Variants in RIN2 observed in about 807,000 individuals in gnomAD.
RIN2 encodes the protein Ras and Rab interactor 2, also known as RAB5 interacting protein 2.
RIN2 carries 36 observed loss-of-function variants against 78.0 expected under a neutral mutation model. The observed-to-expected ratio is 0.46, with a 90% confidence interval of 0.35 to 0.61. RIN2 has a LOEUF of 0.61. RIN2 is among the 20% of genes least tolerant of loss of function. RIN2 has a pLI of 0.00. For synonymous variants in RIN2, 466 were observed against 466.8 expected, an observed-to-expected ratio of 1.00 and a Z score of 0.02; for missense variants, 1,087 against 1,159.7, an observed-to-expected ratio of 0.94 and a Z score of 0.91.
At chr20:19,858,859 C>T (rs2037245355) in intron 2 of RIN2, among the ~76,000 whole-genome samples, 2 of 152,212 alleles carry the variant, frequency 1.3e-5, no homozygotes, top group Admixed American at 1.3e-4. Context: ...CTGAACTGAG[C>T]TGACCATGTA....
chr20:19,953,395 G>C (rs1455504928), intron 4 of RIN2, among the ~76,000 whole-genome samples: 4 of 151,832 alleles, frequency 2.6e-5, no homozygotes, highest in African/African-American at 7.3e-5. Flanking sequence ...GCATCCCAAA[G>C]TGTGCTGGGA....
chr20:19,879,886 C>T (rs1193794755), intron 2 of RIN2, among the ~76,000 whole-genome samples: 1 of 152,192 alleles, frequency 6.6e-6, no homozygotes, highest in African/African-American at 2.4e-5. Flanking sequence ...AAAAATCCAA[C>T]CACAGAGAGA....
intron 2 of RIN2, among the ~76,000 whole-genome samples, chr20:19,827,255 C>G (rs932300474): frequency 6.6e-6 from 1 of 152,154 alleles, no homozygotes; most frequent in Non-Finnish European, 1.5e-5. Flanking sequence ...GGATTACAGG[C>G]GTGAGCCACC....
chr20:19,869,644 G>GAGA, intron 2 of RIN2, among the ~76,000 whole-genome samples: 1 of 148,808 alleles, frequency 6.7e-6, no homozygotes. Context: ...TTTTTTTTGA[G>GAGA]AGACAGGGTC....
intron 2 of RIN2, among the ~76,000 whole-genome samples, chr20:19,805,962 T>G (rs1417815708): frequency 6.6e-6 from 1 of 152,196 alleles, no homozygotes; most frequent in Non-Finnish European, 1.5e-5. Flanking sequence ...AGTGAGAACA[T>G]GCAGTGTTTG....
At chr20:19,928,437 C>T (rs891088252) in intron 3 of RIN2, among the ~76,000 whole-genome samples, 3 of 152,182 alleles carry the variant, frequency 2.0e-5, no homozygotes, top group Non-Finnish European at 4.4e-5. Context: ...CAGGCCACAC[C>T]GCCTCGAAAT....
At chr20:19,952,023 A>G (rs1401182447) in intron 4 of RIN2, among the ~76,000 whole-genome samples, 1 of 152,142 alleles carries the variant, frequency 6.6e-6, no homozygotes, top group African/African-American at 2.4e-5. Context: ...TTCTTGTGCA[A>G]GTGATTCAGA....
At chr20:19,904,036 A>G (rs949561676) in intron 3 of RIN2, among the ~76,000 whole-genome samples, 1 of 151,882 alleles carries the variant, frequency 6.6e-6, no homozygotes, top group Non-Finnish European at 1.5e-5. Flanking sequence ...AGATCACTTG[A>G]GGTCAGGAGT....
intron 2 of RIN2, among the ~76,000 whole-genome samples, chr20:19,820,640 G>A (rs1448050023): frequency 6.6e-6 from 1 of 152,098 alleles, no homozygotes; most frequent in Non-Finnish European, 1.5e-5. Flanking sequence ...TTTCCACCAG[G>A]TTCCAGGCCA....
chr20:19,958,590 C>T (rs1476261039), intron 5 of RIN2, among the ~76,000 whole-genome samples: 9 of 152,238 alleles, frequency 5.9e-5, no homozygotes, highest in Non-Finnish European at 1.3e-4. Flanking sequence ...AGGGAGAGGC[C>T]AGGCATGGTG....
intron 2 of RIN2, among the ~76,000 whole-genome samples, chr20:19,812,827 T>G (rs2035646100): frequency 6.6e-6 from 1 of 152,214 alleles, no homozygotes; most frequent in South Asian, 2.1e-4. Context: ...ACTTTTTGTC[T>G]GTGAATAGGA....
intron 2 of RIN2, among the ~76,000 whole-genome samples, chr20:19,826,326 C>A (rs1483211809): frequency 6.6e-6 from 1 of 152,100 alleles, no homozygotes; most frequent in African/African-American, 2.4e-5. Context: ...CTAAGAAGTG[C>A]TTTTTCATGA....
At chr20:19,783,304 G>A (rs114490355) in intron 1 of RIN2, among the ~76,000 whole-genome samples, 1,681 of 152,308 alleles carry the variant, frequency 0.011, 25 homozygotes, top group African/African-American at 0.038. Context: ...GTGTGCACAG[G>A]CCTTTGTCAT....
rs1334137697 is a variant in RIN2 at position 19,880,401 on chromosome 20, T to TTC, written c.-36-9164_-36-9163insCT. 7.6e-4 allele frequency among the ~76,000 whole-genome samples: 102 copies of TTC among 133,966 alleles called. 1 individual carries two copies. The highest frequency in any genetic ancestry group is 2.8e-3 in the African/African-American group (97 of 35,106). The allele number at this position is 133,966 out of a possible 152,430, so 87.9% of individuals were successfully genotyped here. A position where few individuals can be genotyped will look rare whatever the true frequency, so the allele number is the denominator to read the frequency against. On this transcript the variant is annotated intron_variant, in intron 2 of 12. Transcript: ENST00000255006. ...TTTAGAGGAAGTCATTCTTTTTTTTTTTTTTTTTTTTTTTTTTCTGAGACA... is the reference window on the plus strand; with the variant it reads ...TTTAGAGGAAGTCATTCTTTTTTTTTTCTTTTTTTTTTTTTTTTTCTGAGACA...
At chr20:19,877,942 C>G (rs1441312172) in intron 2 of RIN2, among the ~76,000 whole-genome samples, 1 of 152,098 alleles carries the variant, frequency 6.6e-6, no homozygotes, top group Admixed American at 6.6e-5. Flanking sequence ...ATCACTTGAG[C>G]CTGGGAGGTT....
At chr20:19,802,068 G>A (rs2035259012) in intron 2 of RIN2, among the ~76,000 whole-genome samples, 9 of 152,186 alleles carry the variant, frequency 5.9e-5, no homozygotes, top group Admixed American at 5.9e-4. Context: ...TTCAAGAGGG[G>A]AAAAGCCAAT....
intron 2 of RIN2, among the ~76,000 whole-genome samples, chr20:19,868,515 A>G (rs947099168): frequency 5.3e-5 from 8 of 152,338 alleles, no homozygotes; most frequent in African/African-American, 1.9e-4. Flanking sequence ...TCACTGGGCC[A>G]GGAAACACGT....
At chr20:19,886,593 C>CCTTCTT (rs767980692) in intron 2 of RIN2, 3 of 786,384 alleles carry the variant, frequency 3.8e-6, no homozygotes, top group East Asian at 2.7e-5. Context: ...ATGAGGGCTG[C>CCTTCTT]CTTCTTCTTC....
intron 3 of RIN2, among the ~76,000 whole-genome samples, chr20:19,927,415 A>AT (rs1007649859): frequency 1.2e-4 from 18 of 145,914 alleles, no homozygotes; most frequent in Admixed American, 6.8e-4. Context: ...TGCCTGGGTA[A>AT]TTTTTTTTTT....
Sources: allele counts gnomAD v4.1 joint callset (sites outside exome capture counted in the v4.1 genomes callset), GRCh38; gene constraint gnomAD v4.1.1; transcripts MANE v1.5; gene names NCBI Gene and HGNC (gene_info 2026-07-23, HGNC 2026-07-21).